The following PIP4K2A variants were observed in gnomAD, a reference collection of about 807,000 sequenced individuals.
The protein encoded by PIP4K2A is phosphatidylinositol 5-phosphate 4-kinase type-2 alpha.
Under a neutral mutation model 42.9 loss-of-function variants are expected in PIP4K2A, and 14 were observed. The observed-to-expected ratio is 0.33, with a 90% CI of 0.22 to 0.51. The LOEUF is 0.51. Ranked by LOEUF, PIP4K2A falls within the 20% of genes least tolerant of loss-of-function variation. PIP4K2A has a pLI of 0.97. For missense variants in PIP4K2A, 434 were observed against 519.8 expected, an observed-to-expected ratio of 0.83 and a Z score of 1.61; for synonymous variants, 192 against 192.2, an observed-to-expected ratio of 1.00 and a Z score of 0.01.
At chr10:22,662,196 C>A (rs1839216091) in intron 1 of PIP4K2A, among the ~76,000 whole-genome samples, 1 of 152,234 alleles carries the variant, frequency 6.6e-6, no homozygotes, top group African/African-American at 2.4e-5. Flanking sequence ...TATTCCACTT[C>A]ATTTTCATTT....
At chr10:22,550,276 A>G (rs1191399044) in intron 7 of PIP4K2A, among the ~76,000 whole-genome samples, 1 of 152,202 alleles carries the variant, frequency 6.6e-6, no homozygotes, top group East Asian at 1.9e-4. Context: ...TAGTGACTGA[A>G]TATTTGTTTT....
At chr10:22,613,024 G>A (rs1838091785) in intron 1 of PIP4K2A, among the ~76,000 whole-genome samples, 1 of 152,128 alleles carries the variant, frequency 6.6e-6, no homozygotes, top group South Asian at 2.1e-4. Flanking sequence ...TGGAGAAGAG[G>A]ATGAGAAAGG....
intron 1 of PIP4K2A, among the ~76,000 whole-genome samples, chr10:22,623,872 A>G (rs763335146): frequency 6.6e-6 from 1 of 152,228 alleles, no homozygotes; most frequent in Non-Finnish European, 1.5e-5. Context: ...GGTTCTCGCT[A>G]TCAGTCACAT....
chr10:22,539,912 GGA>G (rs35358870), intron 9 of PIP4K2A, 57 bp downstream of exon 9: 172,506 of 431,910 alleles, frequency 0.4, 11,554 homozygotes, highest in East Asian at 0.53. Context: ...AGAGAGAGAG[GGA>G]GAGAGAGAGA....
At chr10:22,640,963 T>C (rs1196367558) in intron 1 of PIP4K2A, among the ~76,000 whole-genome samples, 2 of 152,162 alleles carry the variant, frequency 1.3e-5, no homozygotes, top group African/African-American at 4.8e-5. Flanking sequence ...GGGAGAAATA[T>C]AAAATTTTAT....
intron 1 of PIP4K2A, among the ~76,000 whole-genome samples, chr10:22,618,681 G>A (rs1042438625): frequency 6.6e-6 from 1 of 152,180 alleles, no homozygotes; most frequent in Non-Finnish European, 1.5e-5. Flanking sequence ...TATTTCTGGA[G>A]AGGTGCAGAG....
intron 6 of PIP4K2A, chr10:22,567,639 A>G (rs767273373): frequency 1.4e-6 from 1 of 725,614 alleles, no homozygotes; most frequent in Non-Finnish European, 2.6e-6. Flanking sequence ...TGCTTGCAAC[A>G]AATAACTGTT....
chr10:22,588,717 CTA>C (rs1837450667), intron 4 of PIP4K2A, among the ~76,000 whole-genome samples: 1 of 152,160 alleles, frequency 6.6e-6, no homozygotes, highest in African/African-American at 2.4e-5. Flanking sequence ...AGGTTAGGAT[CTA>C]TGTCTCCTGA....
At chr10:22,697,513 C>G (rs1302147869) in intron 1 of PIP4K2A, among the ~76,000 whole-genome samples, 1 of 152,072 alleles carries the variant, frequency 6.6e-6, no homozygotes, top group Non-Finnish European at 1.5e-5. Context: ...CCCAGGAGTT[C>G]AAGACTATCC....
chr10:22,594,729 C>A (rs1301357758), intron 3 of PIP4K2A, among the ~76,000 whole-genome samples: 1 of 152,126 alleles, frequency 6.6e-6, no homozygotes, highest in Non-Finnish European at 1.5e-5. Context: ...GGGCTGGAAA[C>A]GTAAAAGCAA....
At chr10:22,675,703 T>C (rs1839544857) in intron 1 of PIP4K2A, among the ~76,000 whole-genome samples, 1 of 152,190 alleles carries the variant, frequency 6.6e-6, no homozygotes, top group Admixed American at 6.5e-5. Context: ...ATGGTTCCCT[T>C]AAATGATCAA....
At chr10:22,693,794 T>TCA (rs1019582368) in intron 1 of PIP4K2A, among the ~76,000 whole-genome samples, 27 of 152,020 alleles carry the variant, frequency 1.8e-4, no homozygotes, top group Admixed American at 8.5e-4. Context: ...CTCAGCTTTC[T>TCA]CAGCTATAAC....
At chr10:22,664,182 C>CATATATATATATATACATAT in intron 1 of PIP4K2A, among the ~76,000 whole-genome samples, 1 of 43,508 alleles carries the variant, frequency 2.3e-5, no homozygotes, top group East Asian at 4.6e-4. Flanking sequence ...TATATATATA[C>CATATATATATATATACATAT]ATATATATAC....
At chr10:22,559,552 T>C (rs1836635456) in intron 6 of PIP4K2A, among the ~76,000 whole-genome samples, 2 of 152,226 alleles carry the variant, frequency 1.3e-5, no homozygotes, top group Non-Finnish European at 2.9e-5. Flanking sequence ...GTGCCATGCT[T>C]ACCAGTTACG....
chr10:22,554,437 T>G (rs1315620340), intron 6 of PIP4K2A, among the ~76,000 whole-genome samples: 1 of 152,248 alleles, frequency 6.6e-6, no homozygotes, highest in Non-Finnish European at 1.5e-5. Context: ...ACTTTGCTTT[T>G]AAACACTGGA....
chr10:22,597,154 T>C (rs957648304), intron 3 of PIP4K2A, among the ~76,000 whole-genome samples: 20 of 152,244 alleles, frequency 1.3e-4, no homozygotes, highest in African/African-American at 4.8e-4. Flanking sequence ...GGACTGTTCA[T>C]TACTTTACAT....
At chr10:22,691,270 G>A (rs758667547) in intron 1 of PIP4K2A, among the ~76,000 whole-genome samples, 1 of 152,026 alleles carries the variant, frequency 6.6e-6, no homozygotes, top group Admixed American at 6.6e-5. Flanking sequence ...CTACCTCCTG[G>A]GAACCTGCAT....
At chr10:22,587,869 T>G (rs1298770485) in intron 4 of PIP4K2A, among the ~76,000 whole-genome samples, 1 of 152,258 alleles carries the variant, frequency 6.6e-6, no homozygotes, top group African/African-American at 2.4e-5. Context: ...GTGTGATGTT[T>G]GACTCGGCGG....
intron 4 of PIP4K2A, among the ~76,000 whole-genome samples, chr10:22,590,724 GC>G: frequency 6.6e-6 from 1 of 152,206 alleles, no homozygotes; most frequent in African/African-American, 2.4e-5. Context: ...AAAAAAATTG[GC>G]CAGGCATGGT....
Sources: allele counts gnomAD v4.1 joint callset (sites outside exome capture counted in the v4.1 genomes callset), GRCh38; gene constraint gnomAD v4.1.1; transcripts MANE v1.5; gene names NCBI Gene and HGNC (gene_info 2026-07-23, HGNC 2026-07-21).